The following ZFAT variants were observed in gnomAD, a reference collection of about 807,000 sequenced individuals.
ZFAT encodes zinc finger and AT-hook domain containing.
ZFAT carries 64 observed loss-of-function variants against 117.7 expected under a neutral mutation model. That is an observed-to-expected ratio of 0.54 (90% CI 0.44 to 0.67). ZFAT has a LOEUF of 0.67. ZFAT is among the 30% of genes least tolerant of loss of function. The pLI is 0.00. For synonymous variants in ZFAT, 679 were observed against 615.0 expected, an observed-to-expected ratio of 1.10 and a Z score of -1.54; for missense variants, 1,433 against 1,584.5, an observed-to-expected ratio of 0.90 and a Z score of 1.62.
At chr8:134,512,704 A>G in intron 13 of ZFAT, 103 bp from the exon 14 acceptor site, 1 of 1,386,690 alleles carries the variant, frequency 7.2e-7, no homozygotes, top group Non-Finnish European at 9.6e-7. Context: ...ATAAGAAAGC[A>G]ATACATTGCA....
At chr8:134,721,085 G>C in the ZFAT span, among the ~76,000 whole-genome samples, 1 of 152,318 alleles carries the variant, frequency 6.6e-6, no homozygotes, top group South Asian at 2.1e-4. Flanking sequence ...TCATCCACTT[G>C]TCCAGGGAGG....
At chr8:134,800,717 G>C in the ZFAT span, 1 of 335,316 alleles carries the variant, frequency 3.0e-6, no homozygotes, top group Non-Finnish European at 6.0e-6. Flanking sequence ...GACTCAATCG[G>C]AAAGATATCC....
the ZFAT span, among the ~76,000 whole-genome samples, chr8:134,764,025 G>T: frequency 6.6e-6 from 1 of 152,132 alleles, no homozygotes; most frequent in Admixed American, 6.6e-5. Context: ...ACAGCAAGGG[G>T]TTTTCTAAAA....
the ZFAT span, among the ~76,000 whole-genome samples, chr8:134,817,585 T>C: frequency 1.1e-4 from 17 of 152,304 alleles, no homozygotes; most frequent in Admixed American, 9.1e-4. Flanking sequence ...ACCATGTTCA[T>C]GGGTCAGAAG....
At chr8:134,767,139 A>C in the ZFAT span, 2 of 152,254 alleles carry the variant, frequency 1.3e-5, no homozygotes, top group African/African-American at 4.8e-5. Flanking sequence ...CTTACGGCAC[A>C]GTATATGATC....
At chr8:134,792,071 G>A in the ZFAT span, 1 of 152,194 alleles carries the variant, frequency 6.6e-6, no homozygotes, top group Non-Finnish European at 1.5e-5. Flanking sequence ...TGGTAGAATA[G>A]AAAGGAGAAA....
chr8:134,745,012 G>A, the ZFAT span, among the ~76,000 whole-genome samples: 4 of 150,050 alleles, frequency 2.7e-5, no homozygotes, highest in South Asian at 6.4e-4. Flanking sequence ...TACAGGCGTA[G>A]CCACCGCGCC....
At chr8:134,831,440 T>C in the ZFAT span, among the ~76,000 whole-genome samples, 1 of 152,222 alleles carries the variant, frequency 6.6e-6, no homozygotes, top group Non-Finnish European at 1.5e-5. Context: ...CATCATGCCC[T>C]GGTGCTACAC....
the ZFAT span, among the ~76,000 whole-genome samples, chr8:134,744,949 T>G: frequency 1.3e-5 from 2 of 151,364 alleles, no homozygotes; most frequent in South Asian, 4.2e-4. Context: ...CAGGATGGTC[T>G]CGATCGCCTG....
chr8:134,517,526 T>A (rs1338446912), intron 13 of ZFAT, among the ~76,000 whole-genome samples: 1 of 152,172 alleles, frequency 6.6e-6, no homozygotes, highest in Non-Finnish European at 1.5e-5. Flanking sequence ...CCTCCCCTAA[T>A]CTTAACATCT....
chr8:134,737,237 G>A, the ZFAT span, among the ~76,000 whole-genome samples: 667 of 151,960 alleles, frequency 4.4e-3, 2 homozygotes, highest in African/African-American at 0.015. Flanking sequence ...CCGAGATCAC[G>A]CCACTGCACT....
At chr8:134,804,032 A>T in the ZFAT span, among the ~76,000 whole-genome samples, 2 of 152,254 alleles carry the variant, frequency 1.3e-5, no homozygotes, top group African/African-American at 4.8e-5. Context: ...TGTCTGAAAG[A>T]CTAACAGAAA....
At chr8:134,619,001 C>T (rs940261152) in intron 3 of ZFAT, among the ~76,000 whole-genome samples, 3 of 152,152 alleles carry the variant, frequency 2.0e-5, no homozygotes, top group Admixed American at 6.5e-5. Flanking sequence ...TTACCTGAGT[C>T]TGGTAGAGTG....
At chr8:134,712,740 G>GCGGCCGGCGGC (rs1256434091) in intron 1 of ZFAT, 105 bp downstream of exon 1, 3 of 1,164,266 alleles carry the variant, frequency 2.6e-6, no homozygotes, top group Non-Finnish European at 3.4e-6. Flanking sequence ...CCGGCGGCCG[G>GCGGCCGGCGGC]CGGCCGGCGC....
chr8:134,787,308 T>C, the ZFAT span, among the ~76,000 whole-genome samples: 1 of 151,908 alleles, frequency 6.6e-6, no homozygotes, highest in Non-Finnish European at 1.5e-5. Context: ...TTATTTCCTT[T>C]CGCATTTAAA....
chr8:134,542,859 CAGA>C (rs918425269), intron 11 of ZFAT, among the ~76,000 whole-genome samples: 2 of 152,328 alleles, frequency 1.3e-5, no homozygotes, highest in Non-Finnish European at 2.9e-5. Flanking sequence ...AGTTACTGCA[CAGA>C]AGAAGAGATG....
chr8:134,549,389 C>T (rs1020271019), intron 11 of ZFAT, among the ~76,000 whole-genome samples: 63 of 150,104 alleles, frequency 4.2e-4, no homozygotes, highest in Non-Finnish European at 7.8e-4. Context: ...TGCAGTGAGC[C>T]GAGATCACGC....
chr8:134,778,681 A>G, the ZFAT span, among the ~76,000 whole-genome samples: 1 of 152,252 alleles, frequency 6.6e-6, no homozygotes, highest in African/African-American at 2.4e-5. Context: ...AATGAAAAGA[A>G]TGCAAAGGAA....
chr8:134,492,428 A>G (rs994131318), intron 15 of ZFAT, among the ~76,000 whole-genome samples: 4 of 152,226 alleles, frequency 2.6e-5, no homozygotes, highest in Admixed American at 2.6e-4. Flanking sequence ...GAATTAGAGG[A>G]CTGCAGACAA....
Sources: gnomAD v4.1 joint callset for allele counts (sites outside exome capture counted in the v4.1 genomes callset) on GRCh38, gnomAD v4.1.1 for gene constraint, MANE v1.5 for transcripts, NCBI Gene and HGNC (gene_info 2026-07-23, HGNC 2026-07-21) for gene names.